The following IL16 variants were observed in gnomAD, a reference collection of about 807,000 sequenced individuals.
IL16 encodes the protein pro-interleukin-16.
IL16 carries 67 observed loss-of-function variants against 110.1 expected under a neutral mutation model. That is an observed-to-expected ratio of 0.61 (90% CI 0.50 to 0.75). IL16 has a LOEUF of 0.75. Ranked by LOEUF, IL16 falls within the 30% of genes least tolerant of loss-of-function variation. The pLI is 0.00. For synonymous variants in IL16, 689 were observed against 662.9 expected, an observed-to-expected ratio of 1.04 and a Z score of -0.61; for missense variants, 1,545 against 1,655.0, an observed-to-expected ratio of 0.93 and a Z score of 1.15.
In IL16 at chr15:81,309,090, CAT is replaced by C. The variant is rs1453935087; in HGVS notation, c.*295_*296del. 4 of 324,730 alleles carry C rather than the reference CAT, an allele frequency of 1.2e-5. No individual in the cohort carries two copies. Among genetic ancestry groups the C allele is most frequent in the African/African-American group, 8.6e-5 (4 of 46,728 alleles). The allele number at this position is 324,730 out of a possible 1,614,324, so 20.1% of individuals were successfully genotyped here. A position where few individuals can be genotyped will look rare whatever the true frequency, so the allele number is the denominator to read the frequency against. Reference sequence around the variant, plus strand: ...AAATAAAATGGATTTATTAGAATTTCATATGACATTCATGCCTGGCTTCGCAA... The same window carrying C: ...AAATAAAATGGATTTATTAGAATTTCATGACATTCATGCCTGGCTTCGCAA... On this transcript the variant is annotated 3_prime_UTR_variant, in exon 19 of 19. Transcript: ENST00000683961.
At chr15:81,247,075 C>CCTTTTTTTTTTTTTTTTTTTTTT (rs1491183966) in intron 2 of IL16, among the ~76,000 whole-genome samples, 1 of 109,420 alleles carries the variant, frequency 9.1e-6, no homozygotes, top group African/African-American at 3.3e-5. Flanking sequence ...CTTTTCTTTT[C>CCTTTTTTTTTTTTTTTTTTTTTT]CTTTTTTTTT....
upstream of IL16, among the ~76,000 whole-genome samples, chr15:81,193,367 A>G (rs903612646): frequency 1.3e-5 from 2 of 152,056 alleles, no homozygotes; most frequent in Non-Finnish European, 2.9e-5. Context: ...CCCCAGCTGA[A>G]GATGTTAAGC....
chr15:81,194,163 T>C (rs906136345), upstream of IL16, among the ~76,000 whole-genome samples: 8 of 152,194 alleles, frequency 5.3e-5, no homozygotes, highest in Non-Finnish European at 1.0e-4. Context: ...TGGGTTATTG[T>C]TTCCATTTTG....
chr15:81,265,943 T>G (rs1381673850), intron 4 of IL16, 142 bp downstream of exon 4: 6 of 748,554 alleles, frequency 8.0e-6, no homozygotes, highest in Non-Finnish European at 1.3e-5. Flanking sequence ...GCTTAGTAGC[T>G]GCAAGAAGGT....
At chr15:81,241,969 T>TC (rs138368797) in intron 2 of IL16, among the ~76,000 whole-genome samples, 2 of 150,888 alleles carry the variant, frequency 1.3e-5, no homozygotes, top group Non-Finnish European at 3.0e-5. Flanking sequence ...TTTTTTTTTT[T>TC]CTCTCCTGTG....
rs148743629 is a variant in IL16, at chr15:81,197,133, G to C, written c.-121G>C. The C allele has an allele frequency of 2.2e-4, 289 of 1,288,604 alleles. 1 individual carries two copies. In the African/African-American group the frequency reaches 3.7e-3, roughly 16 times the overall value. The allele number at this position is 1,288,604 out of a possible 1,614,324, so 79.8% of individuals were successfully genotyped here. On this transcript the variant is annotated 5_prime_UTR_variant, in exon 1 of 19. It removes the in-frame stop codon of an upstream open reading frame in the 5' UTR. Transcript: ENST00000683961. ...TGGCAGCCCCGGGGGACTGTGCATAGGGAGGTAGGTGGGCACCAGGTGAGT... is the reference window on the plus strand; with the variant it reads ...TGGCAGCCCCGGGGGACTGTGCATACGGAGGTAGGTGGGCACCAGGTGAGT...
chr15:81,234,820 T>A (rs1299039964), intron 2 of IL16, among the ~76,000 whole-genome samples: 1 of 152,182 alleles, frequency 6.6e-6, no homozygotes, highest in African/African-American at 2.4e-5. Context: ...TAAGTCAAGG[T>A]AAAATATGTT....
intron 2 of IL16, among the ~76,000 whole-genome samples, chr15:81,247,510 C>T (rs1338210301): frequency 5.3e-5 from 8 of 152,030 alleles, no homozygotes; most frequent in African/African-American, 1.2e-4. Flanking sequence ...TTTTTCTTTT[C>T]GAGTAACTAC....
In IL16 at chr15:81,303,701, G is replaced by C; in HGVS notation, c.3420+51G>C. Reference sequence around the variant, plus strand: ...TCACAGCCAGAGGCAATGGTTCTGGGGGAGGGGGACACACTTGCCAGGAAG... The same window carrying C: ...TCACAGCCAGAGGCAATGGTTCTGGCGGAGGGGGACACACTTGCCAGGAAG... On this transcript the variant is annotated intron_variant, in intron 16 of 18. Coordinates refer to ENST00000683961, the MANE Select transcript of IL16 (RefSeq NM_172217.5). The surrounding 1 kb of genome is among the most constrained non-coding windows in gnomAD (Gnocchi z 4.1). 8.1e-7 allele frequency: 1 copy of C among 1,234,152 alleles called. No homozygotes were observed. The highest frequency in any genetic ancestry group is 1.2e-6 in the Non-Finnish European group (1 of 835,254). 76.5% of individuals were successfully genotyped at this position (1,234,152 alleles called of 1,614,324 possible).
chr15:81,296,428 T>G (rs777959336), intron 12 of IL16, among the ~76,000 whole-genome samples: 2 of 152,222 alleles, frequency 1.3e-5, no homozygotes, highest in African/African-American at 2.4e-5. Flanking sequence ...GTATCTGTCA[T>G]CTTTTGCAGA....
At chr15:81,211,153 G>A (rs1440646057) in intron 1 of IL16, among the ~76,000 whole-genome samples, 4 of 151,758 alleles carry the variant, frequency 2.6e-5, no homozygotes, top group Admixed American at 2.0e-4. Flanking sequence ...TCAACATTCT[G>A]GGCCTGAGTG....
At chr15:81,223,402 G>A (rs1291344427) in intron 1 of IL16, among the ~76,000 whole-genome samples, 1 of 152,194 alleles carries the variant, frequency 6.6e-6, no homozygotes, top group African/African-American at 2.4e-5. Context: ...CATGTGCTGA[G>A]GATAAAGATC....
Position 81,285,743 on chromosome 15 carries a change from C to T in IL16, c.1245C>T (p.Cys415=). Residue 415 remains cysteine (C), a synonymous_variant, in exon 10 of 19, where the codon TGC becomes TGT. Coordinates refer to ENST00000683961, the MANE Select transcript of IL16 (RefSeq NM_172217.5). The part of the protein sequence containing the change: ...IVEISDSPVH[C]LTLNEVYTIL... The stretch of plus-strand genomic sequence containing the variant: ...AAATCAGTGATTCCCCTGTGCACTG[C>T]CTGACGCTCAATGAAGTCTACACGA... 1 of 1,614,044 alleles carries T rather than the reference C, an allele frequency of 6.2e-7. No homozygotes were observed. The highest frequency in any genetic ancestry group is 8.5e-7 in the Non-Finnish European group (1 of 1,179,946).
At chr15:81,286,480 AAG>A (rs1357008099) in intron 10 of IL16, among the ~76,000 whole-genome samples, 2 of 152,208 alleles carry the variant, frequency 1.3e-5, no homozygotes, top group African/African-American at 4.8e-5. Flanking sequence ...GGTACTAGGT[AAG>A]AGTGACTGAG....
At chr15:81,278,451 C>T (rs1567032781) in intron 6 of IL16, among the ~76,000 whole-genome samples, 1 of 152,132 alleles carries the variant, frequency 6.6e-6, no homozygotes, top group Admixed American at 6.5e-5. Context: ...CTGCACAGAC[C>T]ATTGTGGAAA....
chr15:81,307,773 C>T (rs17875545), intron 18 of IL16, among the ~76,000 whole-genome samples: 2,026 of 152,248 alleles, frequency 0.013, 41 homozygotes, highest in African/African-American at 0.047. Context: ...GGGTTCCAGC[C>T]CAGGGCCCAC....
At chr15:81,263,654 G>T (rs1898252044) in intron 3 of IL16, among the ~76,000 whole-genome samples, 1 of 152,184 alleles carries the variant, frequency 6.6e-6, no homozygotes, top group Non-Finnish European at 1.5e-5. Flanking sequence ...AGCTGGGTGT[G>T]GCCTGAGCAG....
intron 1 of IL16, among the ~76,000 whole-genome samples, chr15:81,215,978 G>T (rs67895155): frequency 0.084 from 12,815 of 152,312 alleles, 545 homozygotes; most frequent in Middle Eastern, 0.096. Flanking sequence ...AGGAGGCTGT[G>T]CTGTGCACCT....
intron 10 of IL16, chr15:81,289,950 T>C (rs951899845): frequency 4.6e-5 from 21 of 452,180 alleles, no homozygotes; most frequent in African/African-American, 4.2e-4. Flanking sequence ...GTCTAGGTGT[T>C]CACACCTAGA....
Sources: allele counts gnomAD v4.1 joint callset (sites outside exome capture counted in the v4.1 genomes callset), GRCh38; gene constraint gnomAD v4.1.1; non-coding constraint Gnocchi (gnomAD v3.1); transcripts MANE v1.5; gene names NCBI Gene and HGNC (gene_info 2026-07-23, HGNC 2026-07-21).